PTPRD: variants seen among roughly 807,000 people sequenced by gnomAD.
The protein encoded by PTPRD is receptor-type tyrosine-protein phosphatase delta.
A neutral mutation model predicts 214.5 loss-of-function variants in PTPRD; 34 were observed. The observed-to-expected ratio is 0.16, with a 90% CI of 0.12 to 0.21. PTPRD has a LOEUF of 0.21. PTPRD is among the 10% of genes least tolerant of loss of function. PTPRD has a pLI of 1.00. For synonymous variants in PTPRD, 1,128 were observed against 845.7 expected (o/e 1.33, Z -5.79); for missense variants, 2,545 against 2,398.7 (o/e 1.06, Z -1.27).
At chr9:8,682,725 T>A (rs138997774) in intron 12 of PTPRD, among the ~76,000 whole-genome samples, 2 of 152,044 alleles carry the variant, frequency 1.3e-5, no homozygotes, top group Non-Finnish European at 2.9e-5. Context: ...ATGGGGGAGG[T>A]CTGAGTATAT....
intron 5 of PTPRD, among the ~76,000 whole-genome samples, chr9:9,773,721 C>A (rs1297238825): frequency 1.3e-5 from 2 of 152,104 alleles, no homozygotes; most frequent in Non-Finnish European, 2.9e-5. Context: ...GTCATGAATG[C>A]CAATTTATGC....
intron 10 of PTPRD, among the ~76,000 whole-genome samples, chr9:9,121,712 T>A (rs949762855): frequency 6.6e-6 from 1 of 152,106 alleles, no homozygotes. Flanking sequence ...ACAACAGATA[T>A]GGTGCAGTGT....
At chr9:8,982,147 GAGGAAA>G (rs1383225264) in intron 11 of PTPRD, among the ~76,000 whole-genome samples, 1 of 152,030 alleles carries the variant, frequency 6.6e-6, no homozygotes. Context: ...ATTGTTAAAA[GAGGAAA>G]ATATTACTAC....
At chr9:8,902,565 G>GAATT (rs1028950075) in intron 11 of PTPRD, among the ~76,000 whole-genome samples, 29 of 151,954 alleles carry the variant, frequency 1.9e-4, no homozygotes, top group Admixed American at 1.4e-3. Flanking sequence ...GGCTGGTGTT[G>GAATT]AATTCCTCAT....
At chr9:9,074,324 A>G (rs1243671649) in intron 10 of PTPRD, among the ~76,000 whole-genome samples, 1 of 152,160 alleles carries the variant, frequency 6.6e-6, no homozygotes, top group Non-Finnish European at 1.5e-5. Flanking sequence ...TAAAACAAGT[A>G]AAACACAATT....
intron 8 of PTPRD, among the ~76,000 whole-genome samples, chr9:9,483,008 T>C (rs2095482935): frequency 6.6e-6 from 1 of 152,164 alleles, no homozygotes. Flanking sequence ...TTCTCCATCT[T>C]AATGAAATCA....
chr9:8,784,135 C>G (rs1382306172), intron 11 of PTPRD, among the ~76,000 whole-genome samples: 1 of 152,148 alleles, frequency 6.6e-6, no homozygotes, highest in Non-Finnish European at 1.5e-5. Context: ...ATTTCCCAGC[C>G]AAACGGTGTT....
intron 2 of PTPRD, among the ~76,000 whole-genome samples, chr9:10,515,787 G>A (rs1484494594): frequency 6.6e-6 from 1 of 151,854 alleles, no homozygotes; most frequent in African/African-American, 2.4e-5. Flanking sequence ...GCTACTCACT[G>A]CTTCTATTAG....
intron 30 of PTPRD, among the ~76,000 whole-genome samples, chr9:8,474,647 T>G (rs1156321496): frequency 6.6e-6 from 1 of 152,230 alleles, no homozygotes; most frequent in Non-Finnish European, 1.5e-5. Flanking sequence ...TCCTTCCATT[T>G]TCCACAGTAA....
chr9:9,260,410 C>A (rs567926340), intron 9 of PTPRD, among the ~76,000 whole-genome samples: 10 of 152,002 alleles, frequency 6.6e-5, no homozygotes, highest in African/African-American at 2.4e-4. Context: ...CTCTGGGAAA[C>A]AACTTCTTTT....
chr9:10,310,947 A>T (rs184114357), intron 3 of PTPRD, among the ~76,000 whole-genome samples: 134 of 152,184 alleles, frequency 8.8e-4, no homozygotes, highest in African/African-American at 3.1e-3. Context: ...TATGCATTCA[A>T]ACTTTCTTTG....
intron 9 of PTPRD, among the ~76,000 whole-genome samples, chr9:9,208,051 G>A (rs2099946098): frequency 5.2e-5 from 1 of 19,310 alleles, no homozygotes; most frequent in African/African-American, 1.2e-4. Flanking sequence ...ACAGAGCTTC[G>A]CTCTCTCTCC....
At chr9:9,626,082 G>C (rs1357826406) in intron 7 of PTPRD, among the ~76,000 whole-genome samples, 3 of 152,192 alleles carry the variant, frequency 2.0e-5, no homozygotes, top group African/African-American at 7.2e-5. Flanking sequence ...GCAAAGAACT[G>C]AATTAGGTCT....
chr9:10,127,080 G>A (rs181986714), intron 3 of PTPRD, among the ~76,000 whole-genome samples: 2 of 151,820 alleles, frequency 1.3e-5, no homozygotes, highest in African/African-American at 2.4e-5. Context: ...AACAGTGCAC[G>A]TATTTCTCCA....
intron 9 of PTPRD, among the ~76,000 whole-genome samples, chr9:9,231,053 CG>C (rs1413945562): frequency 1.3e-5 from 2 of 150,746 alleles, no homozygotes; most frequent in East Asian, 2.0e-4. Context: ...GTATGTCTGT[CG>C]GGGGGAGGGG....
chr9:9,865,999 C>T (rs993532496), intron 5 of PTPRD, among the ~76,000 whole-genome samples: 2 of 152,184 alleles, frequency 1.3e-5, no homozygotes, highest in Non-Finnish European at 2.9e-5. Flanking sequence ...CCCTTCTAAT[C>T]TTCTTTGTTC....
At chr9:9,685,959 A>G (rs2097159485) in intron 7 of PTPRD, among the ~76,000 whole-genome samples, 1 of 151,286 alleles carries the variant, frequency 6.6e-6, no homozygotes, top group African/African-American at 2.4e-5. Context: ...TAAATATCCA[A>G]TTTTTTGGAA....
chr9:8,492,774 C>T, intron 27 of PTPRD, 88 bp downstream of exon 27: 1 of 844,826 alleles, frequency 1.2e-6, no homozygotes. Flanking sequence ...TCTGATTTTA[C>T]TATAATAAAA....
chr9:9,830,384 A>G (rs1300319654), intron 5 of PTPRD, among the ~76,000 whole-genome samples: 1 of 151,878 alleles, frequency 6.6e-6, no homozygotes, highest in African/African-American at 2.4e-5. Context: ...TAGAAAATAT[A>G]CCTGATATTT....
Sources: allele counts gnomAD v4.1 joint callset (sites outside exome capture counted in the v4.1 genomes callset), GRCh38; gene constraint gnomAD v4.1.1; transcripts MANE v1.5; gene names NCBI Gene and HGNC (gene_info 2026-07-23, HGNC 2026-07-21).